Variants in ADGRB2 observed in about 807,000 individuals in gnomAD.
ADGRB2 encodes brain-specific angiogenesis inhibitor 2.
A neutral mutation model predicts 178.7 loss-of-function variants in ADGRB2; 47 were observed. The observed-to-expected ratio is 0.26, with a 90% CI of 0.21 to 0.34. The LOEUF is 0.34. ADGRB2 is among the 10% of genes least tolerant of loss of function. The pLI is 1.00. For synonymous variants in ADGRB2, 870 were observed against 912.4 expected, an observed-to-expected ratio of 0.95 and a Z score of 0.84; for missense variants, 1,584 against 2,180.8, an observed-to-expected ratio of 0.73 and a Z score of 5.45.
Position 31,735,678 on chromosome 1 carries a change from T to C in ADGRB2, c.3268-13A>G, listed in dbSNP as rs749675389. Reference sequence around the variant, plus strand: ...TGAGCATGTTCACCTGGGGGCCCAGTAGAGTGGAGTGGGGGAGACAGGATC... The same window carrying C: ...TGAGCATGTTCACCTGGGGGCCCAGCAGAGTGGAGTGGGGGAGACAGGATC... On this transcript the variant is annotated splice_polypyrimidine_tract_variant and intron_variant, in intron 23 of 32. Coordinates refer to ENST00000373658, the MANE Select transcript of ADGRB2 (RefSeq NM_001364857.2). The surrounding 1 kb of genome is among the most constrained non-coding windows in gnomAD (Gnocchi z 6.0). The C allele has an allele frequency of 6.3e-6, 10 of 1,586,994 alleles. No individual in the cohort carries two copies. The highest frequency in any genetic ancestry group is 2.3e-5 in the South Asian group (2 of 87,124).
Position 31,740,242 on chromosome 1 carries a change from A to G in ADGRB2, c.1990-64T>C. 1.9e-6 allele frequency: 3 copies of G among 1,610,032 alleles called. No individual in the cohort carries two copies. Among genetic ancestry groups the G allele is most frequent in the Non-Finnish European group, 2.5e-6 (3 of 1,177,512 alleles). On this transcript the variant is annotated intron_variant, in intron 12 of 32. Transcript: ENST00000373658. The surrounding 1 kb of genome is among the most constrained non-coding windows in gnomAD (Gnocchi z 5.9). Reference sequence around the variant, plus strand: ...CAGGGAACAGGGGGCTTCCCCCACTATAGCCACACTTGCCGCCTCTACAGC... The same window carrying G: ...CAGGGAACAGGGGGCTTCCCCCACTGTAGCCACACTTGCCGCCTCTACAGC...
chr1:31,730,320 CT>C (rs1052196731), intron 29 of ADGRB2, among the ~76,000 whole-genome samples: 1 of 151,668 alleles, frequency 6.6e-6, no homozygotes, highest in African/African-American at 2.4e-5. Context: ...TTATCTAGCA[CT>C]TTCTACTTGC....
At chr1:31,736,415 G>T in intron 21 of ADGRB2, 25 bp from the exon 22 acceptor site, 1 of 1,613,294 alleles carries the variant, frequency 6.2e-7, no homozygotes, top group Non-Finnish European at 8.5e-7. Flanking sequence ...GTGCCAGAGT[G>T]AGATGGTTGC....
rs759075913 is a variant in ADGRB2 at position 31,735,605 on chromosome 1, C to G, written c.3328G>C (p.Asp1110His). The change falls in exon 24 of 33, where the codon GAC becomes CAC. Residue 1110 changes from aspartate (D) to histidine (H), a missense_variant. Asp to His is a moderately conservative substitution (Grantham distance 81, BLOSUM62 -1). Coordinates refer to ENST00000373658, the MANE Select transcript of ADGRB2 (RefSeq NM_001364857.2). The surrounding 1 kb of genome is among the most constrained non-coding windows in gnomAD (Gnocchi z 6.0). ...NKLMARDGISDKSKKQRAGSE... is the reference protein window; with the variant it reads ...NKLMARDGISHKSKKQRAGSE... ...CCGGCCCTCTGCTTCTTGGATTTGT[C>G]GGAGATGCCATCACGTGCCATGAGC... The G allele has an allele frequency of 1.4e-5, 23 of 1,613,602 alleles. No homozygotes were observed. Among genetic ancestry groups the G allele is most frequent in the Admixed American group, 1.7e-5 (1 of 59,970 alleles).
At chr1:31,732,456 G>A in intron 27 of ADGRB2, 61 bp downstream of exon 27, 1 of 1,571,158 alleles carries the variant, frequency 6.4e-7, no homozygotes. Flanking sequence ...GTCTAGGGCA[G>A]GAGGATTGGG....
rs781471521 is a variant in ADGRB2, at chr1:31,744,656, G to A, written c.914C>T (p.Ala305Val). ...AGGCGGGCCCGAGTTACCTGTCTGC[G>A]CCATGTATAGCCCAGGCTCATCTGC... ...RSADEPGLYM[A>V]QTGDPAAEEW... is the part of the protein sequence containing the mutation. Residue 305 changes from alanine (A) to valine (V), a missense_variant, in exon 5 of 33, where the codon GCG (alanine) becomes GTG (valine). Around this residue, in one of 3 missense-constraint regions of ADGRB2, gnomAD observed 657 missense variants for 847.6 expected, o/e 0.78. Transcript: ENST00000373658. The surrounding 1 kb of genome is among the most constrained non-coding windows in gnomAD (Gnocchi z 6.7). The A allele has an allele frequency of 3.7e-6, 6 of 1,614,158 alleles. No individual in the cohort carries two copies. Among genetic ancestry groups the A allele is most frequent in the East Asian group, 2.2e-5 (1 of 44,872 alleles).
chr1:31,728,578 A>G lies in ADGRB2; in HGVS notation c.4416+20T>C, dbSNP rs1312030116. On this transcript the variant is annotated intron_variant, in intron 30 of 32. Coordinates refer to ENST00000373658, the MANE Select transcript of ADGRB2 (RefSeq NM_001364857.2). The surrounding 1 kb of genome is among the most constrained non-coding windows in gnomAD (Gnocchi z 6.7). ...ACCACAGCCAGATGTCCCACCGCCC[A>G]GCACACACATGGCCCTTACCTCAAA... 6.2e-7 allele frequency: 1 copy of G among 1,613,998 alleles called. No homozygotes were observed. The highest frequency in any genetic ancestry group is 2.2e-5 in the East Asian group (1 of 44,892).
Position 31,764,147 on chromosome 1 carries a change from C to A in ADGRB2, c.-454G>T, listed in dbSNP as rs1285124360. 13 of 641,694 alleles carry A rather than the reference C, an allele frequency of 2.0e-5. No individual in the cohort carries two copies. Among genetic ancestry groups the A allele is most frequent in the Non-Finnish European group, 2.3e-5 (12 of 520,256 alleles). The allele number at this position is 641,694 out of a possible 1,614,324, so 39.8% of individuals were successfully genotyped here. On this transcript the variant is annotated 5_prime_UTR_variant, in exon 1 of 33. Coordinates refer to ENST00000373658, the MANE Select transcript of ADGRB2 (RefSeq NM_001364857.2). This position sits in a 1 kb window ranked among gnomAD's most constrained non-coding sequence, Gnocchi z 7.3. ...CGCCGCCTCCTTGCCGCGCCGCCCC[C>A]CGCTCCCCCGCTCCCCCGCCCCGAG...
In ADGRB2 at chr1:31,741,467, C is replaced by T. The variant is rs1424298631; in HGVS notation, c.1700G>A (p.Arg567His). The stretch of plus-strand genomic sequence containing the variant: ...GCCTTGGGCACTGAGGAGACAGCGG[C>T]GGCTGGCAGACCCTGCAGGGCAATA... ...CPPNASGSAS[R>H]RCLLSAQGVA... The change falls in exon 11 of 33, where the codon CGC becomes CAC. Residue 567 changes from arginine (R) to histidine (H), a missense_variant. This residue lies in a region of ADGRB2 where 657 missense variants were observed against 847.6 expected (regional missense o/e 0.78). Transcript: ENST00000373658. The surrounding 1 kb of genome is among the most constrained non-coding windows in gnomAD (Gnocchi z 6.5). The T allele has an allele frequency of 1.3e-6, 2 of 1,592,832 alleles. No homozygotes were observed. Among genetic ancestry groups the T allele is most frequent in the Non-Finnish European group, 8.5e-7 (1 of 1,169,606 alleles).
At chr1:31,762,554 T>A (rs988221248) in intron 1 of ADGRB2, among the ~76,000 whole-genome samples, 2 of 152,198 alleles carry the variant, frequency 1.3e-5, no homozygotes, top group Non-Finnish European at 1.5e-5. Context: ...CCTGCTGGTC[T>A]GTACGTGAAG....
In ADGRB2 at chr1:31,748,632, T is replaced by G. The variant is rs116449304; in HGVS notation, c.839-3901A>C. The stretch of plus-strand genomic sequence containing the variant: ...GTGAGTACCCCCAAGAACTCCTGAG[T>G]GTTCCACCCAGTGAGCTCAGCGGCT... On this transcript the variant is annotated intron_variant, in intron 4 of 32. Transcript: ENST00000373658. Among the ~76,000 whole-genome samples, 161 of 152,256 alleles carry G rather than the reference T, an allele frequency of 1.1e-3. 1 individual carries two copies. The highest frequency in any genetic ancestry group is 2.9e-3 in the East Asian group (15 of 5,170).
At position 31,744,901 on chromosome 1, in the gene ADGRB2, A is replaced by C. The variant is rs1646196845; in HGVS notation, c.839-170T>G. ...CTGCCCCACCACCACTATTTCACAGACAAGGAAACTGAGGTTCAGAAGGCT... is the reference window on the plus strand; with the variant it reads ...CTGCCCCACCACCACTATTTCACAGCCAAGGAAACTGAGGTTCAGAAGGCT... On this transcript the variant is annotated intron_variant, in intron 4 of 32. Coordinates refer to ENST00000373658, the MANE Select transcript of ADGRB2 (RefSeq NM_001364857.2). The surrounding 1 kb of genome is among the most constrained non-coding windows in gnomAD (Gnocchi z 6.7). 6.6e-6 allele frequency among the ~76,000 whole-genome samples: 1 copy of C among 152,216 alleles called. No individual in the cohort carries two copies. The highest frequency in any genetic ancestry group is 1.5e-5 in the Non-Finnish European group (1 of 68,020).
At chr1:31,730,451 C>A (rs549695040) in intron 29 of ADGRB2, among the ~76,000 whole-genome samples, 116 of 152,316 alleles carry the variant, frequency 7.6e-4, no homozygotes, top group Non-Finnish European at 1.4e-3. Context: ...CAATCAGAGT[C>A]CAGACTGGAA....
chr1:31,747,894 T>TAAGACAGGCTCA (rs1646358287), intron 4 of ADGRB2, among the ~76,000 whole-genome samples: 1 of 152,216 alleles, frequency 6.6e-6, no homozygotes, highest in African/African-American at 2.4e-5. Flanking sequence ...AAGGGACCAC[T>TAAGACAGGCTCA]AAGACAGGCT....
chr1:31,749,148 T>C (rs925511823), intron 4 of ADGRB2, among the ~76,000 whole-genome samples: 2 of 152,172 alleles, frequency 1.3e-5, no homozygotes, highest in African/African-American at 4.8e-5. Flanking sequence ...TACTGTTTAA[T>C]TGCTCCTTTG....
rs1645978847 is a variant in ADGRB2, at chr1:31,741,701, T to C, written c.1610A>G (p.Glu537Gly). 6.2e-7 allele frequency: 1 copy of C among 1,613,916 alleles called. No individual in the cohort carries two copies. The change falls in exon 10 of 33, where the codon GAG becomes GGG. Residue 537 changes from glutamate to glycine, a missense_variant. Around this residue, in one of 3 missense-constraint regions of ADGRB2, gnomAD observed 657 missense variants for 847.6 expected, o/e 0.78. Transcript: ENST00000373658. This position sits in a 1 kb window ranked among gnomAD's most constrained non-coding sequence, Gnocchi z 6.5. ...CTTCCACGTCATCAGCATCACGTAC[T>C]CATCCCTGCACATCTCATGGAAGGC... The part of the protein sequence containing the change: ...CPAFHEMCRD[E>G]YVMLMTWKKA...
At position 31,742,967 on chromosome 1, in the gene ADGRB2, G is replaced by A. The variant is rs1646060323; in HGVS notation, c.1123C>T (p.Leu375=). ...GVWEEWGSWS[L]CSRSCGRGSR... The stretch of plus-strand genomic sequence containing the variant: ...CCCCGCCCGCAGCTGCGGGAGCACA[G>A]GCTCCAGGACCCCCACTCCTCCCAC... Residue 375 remains leucine, a synonymous_variant, in exon 7 of 33, where the codon CTG becomes TTG. Coordinates refer to ENST00000373658, the MANE Select transcript of ADGRB2 (RefSeq NM_001364857.2). The A allele has an allele frequency of 3.9e-6, 6 of 1,534,750 alleles. No individual in the cohort carries two copies. The highest frequency in any genetic ancestry group is 1.2e-5 in the South Asian group (1 of 82,784).
At chr1:31,739,173 G>A (rs575341395) in intron 15 of ADGRB2, 135 bp downstream of exon 15, 26 of 1,051,684 alleles carry the variant, frequency 2.5e-5, no homozygotes, top group Middle Eastern at 3.2e-4. Context: ...TGTGTCCAGA[G>A]CCAGGCAAGG....
Position 31,744,086 on chromosome 1 carries a change from T to C in ADGRB2, c.1087+107A>G. On this transcript the variant is annotated intron_variant, in intron 6 of 32. Coordinates refer to ENST00000373658, the MANE Select transcript of ADGRB2 (RefSeq NM_001364857.2). This position sits in a 1 kb window ranked among gnomAD's most constrained non-coding sequence, Gnocchi z 6.7. ...ATGGTGTGGGGAACAGCCACATTTG[T>C]TGAATGAAAGGAGGAGGCAACCAAC... 7.4e-7 allele frequency: 1 copy of C among 1,356,534 alleles called. No homozygotes were observed. Among genetic ancestry groups the C allele is most frequent in the Non-Finnish European group, 9.9e-7 (1 of 1,014,688 alleles). 84.0% of individuals were successfully genotyped at this position (1,356,534 alleles called of 1,614,324 possible).
Sources: allele counts gnomAD v4.1 joint callset (sites outside exome capture counted in the v4.1 genomes callset), GRCh38; gene constraint gnomAD v4.1.1; regional missense constraint gnomAD v4.1.1; non-coding constraint Gnocchi (gnomAD v3.1); transcripts MANE v1.5; gene names NCBI Gene and HGNC (gene_info 2026-07-23, HGNC 2026-07-21).